LRRFIP1: variants seen among roughly 807,000 people sequenced by gnomAD.
LRRFIP1 encodes the protein leucine-rich repeat flightless-interacting protein 1.
A neutral mutation model predicts 104.4 loss-of-function variants in LRRFIP1; 62 were observed. The observed-to-expected ratio is 0.59, with a 90% CI of 0.48 to 0.73. The LOEUF (loss-of-function observed/expected upper bound fraction) is 0.73. Among genes scored for constraint, LRRFIP1 ranks in the 30% least tolerant of loss-of-function variants. The pLI is 0.00. For missense variants in LRRFIP1, 796 were observed against 824.5 expected, an observed-to-expected ratio of 0.97 and a Z score of 0.42; for synonymous variants, 300 against 299.0, an observed-to-expected ratio of 1.00 and a Z score of -0.03.
In LRRFIP1 at chr2:237,717,340, C is replaced by T. The variant is rs1371152569; in HGVS notation, c.202-422C>T. 6.6e-6 allele frequency among the ~76,000 whole-genome samples: 1 copy of T among 152,214 alleles called. No individual in the cohort carries two copies. Among genetic ancestry groups the T allele is most frequent in the African/African-American group, 2.4e-5 (1 of 41,446 alleles). On this transcript the variant is annotated intron_variant, in intron 3 of 23. Transcript: ENST00000308482. This position sits in a 1 kb window ranked among gnomAD's most constrained non-coding sequence, Gnocchi z 4.2. ...CTTCTCCTCTCAGTTTCCCTGAGGT[C>T]CCAACACCGGAATGGCTCTGAGCTT...
intron 20 of LRRFIP1, 113 bp from the exon 21 acceptor site, chr2:237,771,968 A>G: frequency 1.5e-6 from 1 of 679,602 alleles, no homozygotes; most frequent in Admixed American, 2.4e-5. Flanking sequence ...GATGGACACA[A>G]AGTGCCTTCT....
chr2:237,672,102 A>G (rs1278474634), intron 1 of LRRFIP1, among the ~76,000 whole-genome samples: 1 of 152,082 alleles, frequency 6.6e-6, no homozygotes, highest in African/African-American at 2.4e-5. Context: ...ACTTAGGCAG[A>G]AGTAGTTTAA....
chr2:237,775,985 G>A (rs1212843108), intron 23 of LRRFIP1, among the ~76,000 whole-genome samples: 1 of 150,280 alleles, frequency 6.7e-6, no homozygotes, highest in African/African-American at 2.5e-5. Context: ...TTATTTTTTT[G>A]AGACGGAGTC....
intron 1 of LRRFIP1, among the ~76,000 whole-genome samples, chr2:237,647,043 G>T (rs2085035958): frequency 6.6e-6 from 1 of 151,974 alleles, no homozygotes. Context: ...TGACCATGAT[G>T]GTTTGTTGTA....
intron 4 of LRRFIP1, among the ~76,000 whole-genome samples, 159 bp from the exon 5 acceptor site, chr2:237,719,364 T>G (rs57982777): frequency 0.047 from 7,173 of 152,300 alleles, 520 homozygotes; most frequent in African/African-American, 0.16. Flanking sequence ...TACCCACTGG[T>G]TTAATTAAAG....
chr2:237,777,992 T>C (rs2061235502), intron 23 of LRRFIP1, among the ~76,000 whole-genome samples: 1 of 152,246 alleles, frequency 6.6e-6, no homozygotes, highest in Non-Finnish European at 1.5e-5. Flanking sequence ...TGCATGTTCA[T>C]GTATGTCCTC....
intron 1 of LRRFIP1, among the ~76,000 whole-genome samples, chr2:237,629,499 TCTCA>T (rs1433967093): frequency 1.4e-5 from 2 of 144,318 alleles, no homozygotes; most frequent in East Asian, 4.1e-4. Context: ...TTTAACACAG[TCTCA>T]CTCTGTTGCC....
rs879085126 is a variant in LRRFIP1 at position 237,739,410 on chromosome 2, C to A, written c.633+101C>A. On this transcript the variant is annotated intron_variant, in intron 11 of 23. Transcript: ENST00000308482. ...TCTCCAAATTTAGAATATTACTCTG[C>A]GGTGATATTATTAGGATTACATTGC... The A allele has an allele frequency of 7.0e-6, 7 of 1,003,798 alleles. 1 individual carries two copies. In the South Asian group the frequency reaches 7.5e-5, roughly 11 times the overall value. The allele number at this position is 1,003,798 out of a possible 1,614,324, so 62.2% of individuals were successfully genotyped here. A position where few individuals can be genotyped will look rare whatever the true frequency, so the allele number is the denominator to read the frequency against.
chr2:237,735,388 G>C lies in LRRFIP1; in HGVS notation c.555+55G>C. 1 of 1,551,732 alleles carries C rather than the reference G, an allele frequency of 6.4e-7. No individual in the cohort carries two copies. Among genetic ancestry groups the C allele is most frequent in the Non-Finnish European group, 8.8e-7 (1 of 1,139,856 alleles). ...CCCCGTGCCTGCTGCATGGCCTGGG[G>C]ATGCTCGCTGGGCAGGGTCCAGCCG... On this transcript the variant is annotated intron_variant, in intron 10 of 23. Coordinates refer to ENST00000308482, the MANE Select transcript of LRRFIP1 (RefSeq NM_001137550.2). The surrounding 1 kb of genome is among the most constrained non-coding windows in gnomAD (Gnocchi z 4.6).
In LRRFIP1 at chr2:237,780,468, A is replaced by G. The variant is rs921141577; in HGVS notation, c.*936A>G. Among the ~76,000 whole-genome samples the G allele has an allele frequency of 3.3e-5, 5 of 152,236 alleles. No individual in the cohort carries two copies. The highest frequency in any genetic ancestry group is 1.2e-4 in the African/African-American group (5 of 41,456). On this transcript the variant is annotated 3_prime_UTR_variant, in exon 24 of 24. Transcript: ENST00000308482. ...TTAAAAAAAAAGGTGTTTTCACAGAATGAGTGCACTTAAAAAGTGAAGTGA... is the reference window on the plus strand; with the variant it reads ...TTAAAAAAAAAGGTGTTTTCACAGAGTGAGTGCACTTAAAAAGTGAAGTGA...
chr2:237,656,627 T>C (rs1322086046), intron 1 of LRRFIP1, among the ~76,000 whole-genome samples: 2 of 152,256 alleles, frequency 1.3e-5, no homozygotes, highest in African/African-American at 4.8e-5. Flanking sequence ...TTTTATGGAA[T>C]ATCCATGTGA....
intron 21 of LRRFIP1, chr2:237,772,564 T>TA: frequency 2.0e-6 from 1 of 496,482 alleles, no homozygotes; most frequent in South Asian, 3.0e-5. Context: ...GAGATAAAAT[T>TA]ATGCCCAGTC....
intron 22 of LRRFIP1, among the ~76,000 whole-genome samples, chr2:237,773,575 T>C (rs116136795): frequency 0.048 from 7,281 of 152,166 alleles, 343 homozygotes; most frequent in East Asian, 0.14. Flanking sequence ...ATGTAGCTAA[T>C]TAAAAAAACA....
At chr2:237,722,940 G>A (rs530947464) in intron 6 of LRRFIP1, among the ~76,000 whole-genome samples, 68 of 152,252 alleles carry the variant, frequency 4.5e-4, no homozygotes, top group African/African-American at 1.5e-3. Context: ...ATTTCTATGC[G>A]GGGCCAGTTT....
chr2:237,644,301 A>G (rs1258740094), intron 1 of LRRFIP1, among the ~76,000 whole-genome samples: 1 of 152,262 alleles, frequency 6.6e-6, no homozygotes, highest in African/African-American at 2.4e-5. Context: ...GGCTGAAGTC[A>G]CTTGGACCAA....
Position 237,772,505 on chromosome 2 carries a change from A to G in LRRFIP1, c.1627+307A>G, listed in dbSNP as rs1471947867. On this transcript the variant is annotated intron_variant, in intron 21 of 23. Coordinates refer to ENST00000308482, the MANE Select transcript of LRRFIP1 (RefSeq NM_001137550.2). ...CGATCTGTTGATTGTATGAAAAAAA[A>G]AAAATGAAAGGCTTTTTTCATGCTA... is the stretch of plus-strand genomic sequence containing the variant. 6.2e-5 allele frequency: 27 copies of G among 437,202 alleles called. No homozygotes were observed. The South Asian group carries it at 9.6e-4, about 16-fold the overall frequency. The allele number at this position is 437,202 out of a possible 1,614,324, so 27.1% of individuals were successfully genotyped here.
Position 237,707,260 on chromosome 2 carries a change from G to A in LRRFIP1, c.97-1284G>A, listed in dbSNP as rs536775273. Among the ~76,000 whole-genome samples the A allele has an allele frequency of 6.0e-5, 9 of 151,140 alleles. No individual in the cohort carries two copies. The South Asian group carries it at 1.9e-3, about 32-fold the overall frequency. ...TGCCAGGAGCTTGCTGGCCACCTCG[G>A]AAGTCCCATTTTAATATTATCTAGG... On this transcript the variant is annotated intron_variant, in intron 1 of 23. Transcript: ENST00000308482.
chr2:237,712,224 T>A (rs936201938), intron 2 of LRRFIP1, among the ~76,000 whole-genome samples: 1 of 152,190 alleles, frequency 6.6e-6, no homozygotes, highest in Admixed American at 6.5e-5. Context: ...CAAGCCAAGA[T>A]TCAAATCAGA....
At chr2:237,690,534 C>T (rs1234214642) in intron 1 of LRRFIP1, among the ~76,000 whole-genome samples, 2 of 152,056 alleles carry the variant, frequency 1.3e-5, no homozygotes, top group Non-Finnish European at 2.9e-5. Context: ...GTCAGGAGTT[C>T]GAAACCAGGC....
Sources: gnomAD v4.1 joint callset for allele counts (sites outside exome capture counted in the v4.1 genomes callset) on GRCh38, gnomAD v4.1.1 for gene constraint, Gnocchi (gnomAD v3.1) non-coding constraint, MANE v1.5 for transcripts, NCBI Gene and HGNC (gene_info 2026-07-23, HGNC 2026-07-21) for gene names.